The following FAR2 variants were observed in gnomAD, a reference collection of about 807,000 sequenced individuals.
The protein encoded by FAR2 is fatty acyl-CoA reductase 2, also known as epididymis secretory protein Li 81.
Under a neutral mutation model 56.0 loss-of-function variants are expected in FAR2, and 19 were observed. The observed-to-expected ratio is 0.34, with a 90% CI of 0.24 to 0.50. FAR2 has a LOEUF of 0.50. Ranked by LOEUF, FAR2 falls within the 20% of genes least tolerant of loss-of-function variation. The pLI is 0.98. For missense variants in FAR2, 508 were observed against 642.2 expected (o/e 0.79, Z 2.26); for synonymous variants, 219 against 218.8 (o/e 1.00, Z -0.01).
intron 2 of FAR2, among the ~76,000 whole-genome samples, chr12:29,276,067 C>T (rs993894197): frequency 8.5e-5 from 13 of 152,244 alleles, no homozygotes; most frequent in African/African-American, 3.1e-4. Flanking sequence ...GTGTGAATCT[C>T]CATACGACCA....
intron 9 of FAR2, among the ~76,000 whole-genome samples, chr12:29,317,496 GTA>G (rs1949470311): frequency 6.6e-6 from 1 of 152,254 alleles, no homozygotes; most frequent in South Asian, 2.1e-4. Flanking sequence ...TACTCGACCT[GTA>G]TAAGTTTTGA....
chr12:29,287,835 T>G (rs2136740160), intron 2 of FAR2, among the ~76,000 whole-genome samples: 1 of 152,242 alleles, frequency 6.6e-6, no homozygotes, highest in African/African-American at 2.4e-5. Flanking sequence ...GGCTAACTAG[T>G]TCATTGTAAG....
intron 2 of FAR2, among the ~76,000 whole-genome samples, chr12:29,289,277 T>C (rs77253444): frequency 1.3e-5 from 2 of 152,270 alleles, no homozygotes; most frequent in African/African-American, 4.8e-5. Flanking sequence ...GGAATCACAT[T>C]ACTTGACTTC....
chr12:29,272,151 G>A (rs1948629418), intron 2 of FAR2, among the ~76,000 whole-genome samples: 1 of 152,176 alleles, frequency 6.6e-6, no homozygotes, highest in African/African-American at 2.4e-5. Context: ...GGTGTTCTCT[G>A]TTTTTCCTGA....
chr12:29,166,868 T>A (rs1949835194), intron 1 of FAR2, among the ~76,000 whole-genome samples: 1 of 152,320 alleles, frequency 6.6e-6, no homozygotes, highest in Non-Finnish European at 1.5e-5. Context: ...AGGACTTTCA[T>A]TCTTTAAACT....
At chr12:29,321,718 A>T in intron 9 of FAR2, 77 bp from the exon 10 acceptor site, 1 of 1,486,206 alleles carries the variant, frequency 6.7e-7, no homozygotes, top group South Asian at 1.4e-5. Flanking sequence ...TTTCTTAAAA[A>T]TAATTTCTCA....
At chr12:29,265,250 G>A (rs919125049) in intron 1 of FAR2, among the ~76,000 whole-genome samples, 1 of 152,128 alleles carries the variant, frequency 6.6e-6, no homozygotes, top group African/African-American at 2.4e-5. Context: ...TAAAACTGGA[G>A]GAATCACATT....
chr12:29,287,103 T>G (rs1485360214), intron 2 of FAR2, among the ~76,000 whole-genome samples: 1 of 152,184 alleles, frequency 6.6e-6, no homozygotes, highest in Non-Finnish European at 1.5e-5. Flanking sequence ...GGTTCTCAAC[T>G]TCAGGGTATA....
chr12:29,257,083 C>A (rs1025154856), intron 1 of FAR2, among the ~76,000 whole-genome samples: 1 of 152,230 alleles, frequency 6.6e-6, no homozygotes, highest in Non-Finnish European at 1.5e-5. Flanking sequence ...GCGGGATCCA[C>A]TGGGTGAAGC....
intron 1 of FAR2, among the ~76,000 whole-genome samples, chr12:29,208,268 T>A (rs755539286): frequency 6.6e-6 from 1 of 152,218 alleles, no homozygotes; most frequent in Non-Finnish European, 1.5e-5. Flanking sequence ...CCATGGGCAC[T>A]GCTGGTGACC....
At chr12:29,275,476 C>T (rs953899833) in intron 2 of FAR2, among the ~76,000 whole-genome samples, 1 of 152,038 alleles carries the variant, frequency 6.6e-6, no homozygotes, top group Non-Finnish European at 1.5e-5. Context: ...AGGTATATAC[C>T]CAGTAATGGG....
At chr12:29,161,076 A>G (rs4930857) in intron 1 of FAR2, among the ~76,000 whole-genome samples, 117,202 of 152,172 alleles carry the variant, frequency 0.77, 46,255 homozygotes, top group East Asian at 0.91. Flanking sequence ...TAGTGAACAT[A>G]AGTAATGACT....
chr12:29,179,815 T>C (rs1949975624), intron 1 of FAR2, among the ~76,000 whole-genome samples: 1 of 152,080 alleles, frequency 6.6e-6, no homozygotes, highest in Non-Finnish European at 1.5e-5. Context: ...TAGTCAGGTA[T>C]TATAGAAGGG....
At chr12:29,181,094 TGACTC>T (rs1462341949) in intron 1 of FAR2, among the ~76,000 whole-genome samples, 1 of 152,182 alleles carries the variant, frequency 6.6e-6, no homozygotes, top group African/African-American at 2.4e-5. Context: ...TTTTTCTACT[TGACTC>T]AATAACCAGT....
chr12:29,318,216 A>C (rs1949487942), intron 9 of FAR2, among the ~76,000 whole-genome samples: 2 of 152,216 alleles, frequency 1.3e-5, no homozygotes, highest in Admixed American at 1.3e-4. Flanking sequence ...GCCAATGTAG[A>C]GTTTATCTAA....
chr12:29,332,888 A>C (rs1410051606), intron 11 of FAR2, 161 bp downstream of exon 11: 2 of 726,784 alleles, frequency 2.8e-6, no homozygotes, highest in Non-Finnish European at 4.9e-6. Flanking sequence ...TTTCATTTAG[A>C]CTTCACCACA....
At chr12:29,284,421 T>C (rs1948838002) in intron 2 of FAR2, among the ~76,000 whole-genome samples, 1 of 152,212 alleles carries the variant, frequency 6.6e-6, no homozygotes, top group Admixed American at 6.5e-5. Flanking sequence ...AGTGGGTTTA[T>C]AAACAAAGAC....
intron 1 of FAR2, among the ~76,000 whole-genome samples, chr12:29,268,511 A>G (rs1294019225): frequency 6.6e-6 from 1 of 151,852 alleles, no homozygotes; most frequent in Non-Finnish European, 1.5e-5. Flanking sequence ...TGGACAAACC[A>G]AGCCTTGCAT....
At position 29,187,503 on chromosome 12, in the gene FAR2, T is replaced by C. The variant is rs757958179; in HGVS notation, c.-39+38096T>C. Among the ~76,000 whole-genome samples, 3 of 152,280 alleles carry C rather than the reference T, an allele frequency of 2.0e-5. No homozygotes were observed. In the South Asian group the frequency reaches 6.2e-4, roughly 32 times the overall value. ...ACAGCAAACCATAGATTTTAAAGTATATTGAGCCTGTACATGTCAGGTTTA... is the reference window on the plus strand; with the variant it reads ...ACAGCAAACCATAGATTTTAAAGTACATTGAGCCTGTACATGTCAGGTTTA... On this transcript the variant is annotated intron_variant, in intron 1 of 11. Coordinates refer to ENST00000536681, the MANE Select transcript of FAR2 (RefSeq NM_001271783.2).
Sources: gnomAD v4.1 joint callset for allele counts (sites outside exome capture counted in the v4.1 genomes callset) on GRCh38, gnomAD v4.1.1 for gene constraint, MANE v1.5 for transcripts, NCBI Gene and HGNC (gene_info 2026-07-23, HGNC 2026-07-21) for gene names.